Variants in TTC29 observed in about 807,000 individuals in gnomAD.
The protein encoded by TTC29 is tetratricopeptide repeat protein 29.
Under a neutral mutation model 58.1 loss-of-function variants are expected in TTC29, and 49 were observed. That is an observed-to-expected ratio of 0.84 (90% confidence interval 0.67 to 1.07). The LOEUF is 1.07. Ranked by LOEUF, TTC29 falls within the 50% of genes least tolerant of loss-of-function variation. The pLI, the probability that TTC29 is intolerant of heterozygous loss-of-function variation, is 0.00. For missense variants in TTC29, 582 were observed against 555.6 expected (o/e 1.05, Z -0.48); for synonymous variants, 209 against 196.8 (o/e 1.06, Z -0.52).
chr4:146,917,015 TA>T (rs1734265902), intron 4 of TTC29, among the ~76,000 whole-genome samples: 1 of 151,202 alleles, frequency 6.6e-6, no homozygotes, highest in Admixed American at 6.6e-5. Context: ...TTAATCCAAA[TA>T]AAATATATAT....
intron 10 of TTC29, among the ~76,000 whole-genome samples, chr4:146,814,015 A>G (rs1304956869): frequency 6.6e-6 from 1 of 152,184 alleles, no homozygotes; most frequent in Non-Finnish European, 1.5e-5. Flanking sequence ...AAAATGAAAT[A>G]GAAGTCTGAA....
chr4:146,897,564 G>A (rs1473524993), intron 6 of TTC29, among the ~76,000 whole-genome samples: 2 of 152,182 alleles, frequency 1.3e-5, no homozygotes, highest in Non-Finnish European at 2.9e-5. Flanking sequence ...GGGAGGGGCT[G>A]ATGTTACATC....
At chr4:146,796,112 T>C (rs1330215913) in intron 11 of TTC29, among the ~76,000 whole-genome samples, 1 of 152,196 alleles carries the variant, frequency 6.6e-6, no homozygotes, top group East Asian at 1.9e-4. Context: ...GCTACATTTT[T>C]CTTACAAGTG....
At chr4:146,891,685 C>A (rs139061631) in intron 6 of TTC29, among the ~76,000 whole-genome samples, 1 of 152,294 alleles carries the variant, frequency 6.6e-6, no homozygotes, top group African/African-American at 2.4e-5. Context: ...TTGGCCTGGG[C>A]AGATACTGGT....
intron 4 of TTC29, among the ~76,000 whole-genome samples, chr4:146,927,301 A>G (rs1184966649): frequency 6.6e-6 from 1 of 152,150 alleles, no homozygotes; most frequent in Non-Finnish European, 1.5e-5. Flanking sequence ...AGGTTAAGTA[A>G]CTTCCCCAAA....
chr4:146,877,916 G>T (rs1193192005), intron 6 of TTC29, among the ~76,000 whole-genome samples: 2 of 152,164 alleles, frequency 1.3e-5, no homozygotes, highest in African/African-American at 4.8e-5. Flanking sequence ...TGATCTATAT[G>T]GGGGCAGAAA....
At chr4:146,895,165 T>G (rs994975373) in intron 6 of TTC29, among the ~76,000 whole-genome samples, 2 of 152,212 alleles carry the variant, frequency 1.3e-5, no homozygotes, top group African/African-American at 4.8e-5. Flanking sequence ...TTGTTCCTTT[T>G]TATGGCTTCA....
intron 4 of TTC29, among the ~76,000 whole-genome samples, chr4:146,930,900 A>G (rs943397014): frequency 1.1e-4 from 16 of 152,276 alleles, no homozygotes; most frequent in African/African-American, 3.6e-4. Flanking sequence ...AATTTCCCAA[A>G]TGGTTTTTAA....
intron 11 of TTC29, among the ~76,000 whole-genome samples, chr4:146,745,274 A>G (rs1325378190): frequency 1.3e-5 from 2 of 152,238 alleles, no homozygotes; most frequent in African/African-American, 4.8e-5. Context: ...GCAAAGTGAG[A>G]GAAAGTAGAA....
intron 11 of TTC29, among the ~76,000 whole-genome samples, chr4:146,801,685 AAAAC>A (rs1434668352): frequency 1.3e-5 from 2 of 152,174 alleles, no homozygotes; most frequent in Non-Finnish European, 2.9e-5. Context: ...AGAATAAAGA[AAAAC>A]AAAAGAGCAA....
chr4:146,763,460 T>G (rs1038225799), intron 11 of TTC29, among the ~76,000 whole-genome samples: 1 of 151,974 alleles, frequency 6.6e-6, no homozygotes, highest in African/African-American at 2.4e-5. Flanking sequence ...TCTACCAGAA[T>G]GTAGTGTAGG....
At chr4:146,750,503 A>G (rs979209727) in intron 11 of TTC29, among the ~76,000 whole-genome samples, 2 of 152,218 alleles carry the variant, frequency 1.3e-5, no homozygotes, top group Non-Finnish European at 2.9e-5. Context: ...AAAAATAAAA[A>G]TGACCAAAAA....
chr4:146,828,392 C>T (rs1727945756), intron 9 of TTC29, among the ~76,000 whole-genome samples: 2 of 151,976 alleles, frequency 1.3e-5, no homozygotes, highest in Non-Finnish European at 2.9e-5. Context: ...TAATTTTTTA[C>T]ACTCTTTCCT....
chr4:146,929,758 C>T (rs1045363141), intron 4 of TTC29, among the ~76,000 whole-genome samples: 1 of 151,864 alleles, frequency 6.6e-6, no homozygotes, highest in Non-Finnish European at 1.5e-5. Context: ...GTGTGGATTG[C>T]AAGGAAGAAG....
intron 11 of TTC29, among the ~76,000 whole-genome samples, chr4:146,796,763 T>G (rs1346597517): frequency 3.3e-5 from 5 of 152,194 alleles, no homozygotes; most frequent in Admixed American, 2.6e-4. Flanking sequence ...TTTTGCTTTT[T>G]CAAAAATTTC....
At chr4:146,789,219 T>C (rs1295528785) in intron 11 of TTC29, among the ~76,000 whole-genome samples, 1 of 152,220 alleles carries the variant, frequency 6.6e-6, no homozygotes, top group African/African-American at 2.4e-5. Context: ...TTTACATATA[T>C]TAGTGAACTA....
At chr4:146,748,034 G>C (rs1016848736) in intron 11 of TTC29, among the ~76,000 whole-genome samples, 2 of 152,206 alleles carry the variant, frequency 1.3e-5, no homozygotes, top group Non-Finnish European at 2.9e-5. Flanking sequence ...GCCTCACAGA[G>C]CCTAGGCTAC....
chr4:146,752,946 C>T (rs1746135006), intron 11 of TTC29, among the ~76,000 whole-genome samples: 2 of 152,134 alleles, frequency 1.3e-5, no homozygotes, highest in Non-Finnish European at 2.9e-5. Context: ...ACCATAAAAA[C>T]CCTAGAAGAA....
chr4:146,919,820 A>C (rs1734467161), intron 4 of TTC29, among the ~76,000 whole-genome samples: 1 of 151,166 alleles, frequency 6.6e-6, no homozygotes, highest in Non-Finnish European at 1.5e-5. Context: ...GAAATATCAA[A>C]CTTTTATTAA....
Sources: allele counts gnomAD v4.1 joint callset (sites outside exome capture counted in the v4.1 genomes callset), GRCh38; gene constraint gnomAD v4.1.1; transcripts MANE v1.5; gene names NCBI Gene and HGNC (gene_info 2026-07-23, HGNC 2026-07-21).